ELP3: variants seen among roughly 807,000 people sequenced by gnomAD.
The protein encoded by ELP3 is elongator complex protein 3.
In ELP3, 56 loss-of-function variants were observed where a neutral mutation model predicts 74.9. That is an observed-to-expected ratio of 0.75 (90% CI 0.60 to 0.93). The LOEUF (loss-of-function observed/expected upper bound fraction) is 0.93. Among genes scored for constraint, ELP3 ranks in the 40% least tolerant of loss-of-function variants. The pLI, the probability that ELP3 is intolerant of heterozygous loss-of-function variation, is 0.00. For missense variants in ELP3, 573 were observed against 686.5 expected (o/e 0.83, Z 1.85); for synonymous variants, 222 against 239.8 (o/e 0.93, Z 0.68).
At chr8:28,093,322 G>C in intron 1 of ELP3, 89 bp downstream of exon 1, 2 of 1,554,380 alleles carry the variant, frequency 1.3e-6, no homozygotes, top group Non-Finnish European at 1.7e-6. Context: ...CTTTTACCGC[G>C]AGAATCCGCT....
chr8:28,090,245 A>G, upstream of ELP3: 1 of 305,432 alleles, frequency 3.3e-6, no homozygotes, highest in Non-Finnish European at 6.3e-6. Context: ...GCTTCAGGAG[A>G]CCTATCCTCA....
chr8:28,160,256 G>A lies in ELP3; in HGVS notation c.1285G>A (p.Ala429Thr), dbSNP rs1349892590. The change falls in exon 13 of 15, where the codon GCA becomes ACA. Residue 429 changes from alanine to threonine, a missense_variant. Ala to Thr is a moderately conservative substitution (Grantham distance 58). Coordinates refer to ENST00000256398, the MANE Select transcript of ELP3 (RefSeq NM_018091.6). ...TGAATTGGTAAGGAGAGATTATGTT[G>A]CAAATGGTGGCTGGGAAACATTCTT... is the stretch of plus-strand genomic sequence containing the variant. ...QVELVRRDYV[A>T]NGGWETFLSY... The A allele has an allele frequency of 6.2e-7, 1 of 1,613,954 alleles. No individual in the cohort carries two copies. Among genetic ancestry groups the A allele is most frequent in the African/African-American group, 1.3e-5 (1 of 74,906 alleles).
intron 3 of ELP3, 73 bp downstream of exon 3, chr8:28,100,039 G>A (rs2290369): frequency 0.45 from 712,597 of 1,591,616 alleles, 163,296 homozygotes; most frequent in African/African-American, 0.67. Context: ...TCCATGTGAC[G>A]CCCGTGTAGT....
rs1813937514 is a variant in ELP3, at chr8:28,158,568, T to G, written c.1192T>G (p.Cys398Gly). 2 of 1,599,994 alleles carry G rather than the reference T, an allele frequency of 1.3e-6. No homozygotes were observed. Among genetic ancestry groups the G allele is most frequent in the East Asian group, 4.6e-5 (2 of 43,778 alleles). ...LARMKDLGIQ[C>G]RDVRTREVGI... ...CGCTCACGCCATTTTTTTTTGACAG[T>G]GTCGAGATGTGAGAACCAGAGAAGT... The change falls in exon 12 of 15, where the codon TGT (cysteine) becomes GGT (glycine). Residue 398 changes from cysteine (C) to glycine (G), a missense_variant and splice_region_variant. Cys to Gly is a radical substitution (Grantham distance 159). Transcript: ENST00000256398.
Position 28,097,317 on chromosome 8 carries a change from A to G in ELP3, c.118A>G (p.Lys40Glu). Residue 40 changes from lysine (K) to glutamate (E), a missense_variant and splice_region_variant, in exon 2 of 15, where the codon AAG becomes GAG. Coordinates refer to ENST00000256398, the MANE Select transcript of ELP3 (RefSeq NM_018091.6). Reference protein sequence around the residue: ...HEQGKDIDLNKVKTKTAAKYG... With the variant: ...HEQGKDIDLNEVKTKTAAKYG... ...GCAGGGGAAAGACATCGATCTAAAT[A>G]AGTAAGTGGATATAAAGAGAGAGCA... 1 of 1,606,186 alleles carries G rather than the reference A, an allele frequency of 6.2e-7. No individual in the cohort carries two copies.
intron 13 of ELP3, among the ~76,000 whole-genome samples, chr8:28,161,610 G>GAA (rs1163846087): frequency 8.3e-5 from 5 of 60,598 alleles, no homozygotes; most frequent in Non-Finnish European, 1.1e-4. Flanking sequence ...CGTCTCAAGA[G>GAA]AAAAAAAAAA....
chr8:28,153,654 C>G (rs1227126621), intron 10 of ELP3, among the ~76,000 whole-genome samples: 3 of 152,108 alleles, frequency 2.0e-5, no homozygotes, highest in African/African-American at 7.2e-5. Context: ...TCTGCAGCCC[C>G]TTCTGTGGGC....
intron 1 of ELP3, 118 bp downstream of exon 1, chr8:28,093,351 G>C: frequency 7.2e-7 from 1 of 1,395,494 alleles, no homozygotes; most frequent in Non-Finnish European, 9.8e-7. Flanking sequence ...CAGTCGCCCC[G>C]CCACCTAGGG....
chr8:28,143,769 G>A (rs1019152289), intron 10 of ELP3, among the ~76,000 whole-genome samples: 4 of 152,188 alleles, frequency 2.6e-5, no homozygotes, highest in African/African-American at 9.7e-5. Context: ...ATCTCTTAGA[G>A]TAGTATAATC....
chr8:28,154,453 AAATTTT>A (rs1430602446), intron 10 of ELP3, among the ~76,000 whole-genome samples: 3 of 152,188 alleles, frequency 2.0e-5, no homozygotes, highest in Non-Finnish European at 2.9e-5. Context: ...ATGATGTTTT[AAATTTT>A]AAGTTTTATA....
intron 7 of ELP3, among the ~76,000 whole-genome samples, chr8:28,124,457 G>C (rs1460618408): frequency 6.6e-6 from 1 of 152,086 alleles, no homozygotes; most frequent in Non-Finnish European, 1.5e-5. Context: ...ATGATTTGAA[G>C]CTTTCTAATG....
intron 14 of ELP3, among the ~76,000 whole-genome samples, chr8:28,170,549 G>A (rs1025181782): frequency 1.4e-4 from 22 of 152,172 alleles, no homozygotes; most frequent in East Asian, 7.7e-4. Flanking sequence ...CTTTAGGTGC[G>A]CGTGCTGGCC....
chr8:28,139,097 G>A (rs373800484), intron 10 of ELP3, among the ~76,000 whole-genome samples: 5 of 152,146 alleles, frequency 3.3e-5, no homozygotes, highest in Non-Finnish European at 4.4e-5. Flanking sequence ...AGGCAGAGGC[G>A]TGGTGCAGGC....
intron 3 of ELP3, among the ~76,000 whole-genome samples, chr8:28,104,269 T>C (rs1206241390): frequency 6.6e-6 from 1 of 152,234 alleles, no homozygotes; most frequent in Non-Finnish European, 1.5e-5. Flanking sequence ...GTACCAATTA[T>C]GCAGATATTT....
At chr8:28,130,860 T>C (rs927468279) in intron 8 of ELP3, among the ~76,000 whole-genome samples, 1 of 151,952 alleles carries the variant, frequency 6.6e-6, no homozygotes, top group Non-Finnish European at 1.5e-5. Context: ...GAATGTGAAA[T>C]AGGAGAGTGA....
At chr8:28,156,496 ATC>A (rs2130538140) in intron 11 of ELP3, among the ~76,000 whole-genome samples, 1 of 152,200 alleles carries the variant, frequency 6.6e-6, no homozygotes, top group South Asian at 2.1e-4. Context: ...TTTACTAAAC[ATC>A]TCCTCTGTGC....
intron 14 of ELP3, among the ~76,000 whole-genome samples, chr8:28,183,829 G>A (rs943798260): frequency 9.2e-5 from 14 of 152,202 alleles, no homozygotes; most frequent in Admixed American, 5.2e-4. Context: ...AGAACCCCAC[G>A]CAGGCCATCG....
At chr8:28,153,310 CT>C (rs954527132) in intron 10 of ELP3, among the ~76,000 whole-genome samples, 1 of 152,182 alleles carries the variant, frequency 6.6e-6, no homozygotes, top group African/African-American at 2.4e-5. Flanking sequence ...AATTATCAGT[CT>C]GTCTAGATGA....
chr8:28,184,739 A>G (rs1219081517), intron 14 of ELP3, among the ~76,000 whole-genome samples: 1 of 152,230 alleles, frequency 6.6e-6, no homozygotes, highest in Non-Finnish European at 1.5e-5. Flanking sequence ...CCATCTTAAA[A>G]TTAGGCCATC....
Sources: allele counts gnomAD v4.1 joint callset (sites outside exome capture counted in the v4.1 genomes callset), GRCh38; gene constraint gnomAD v4.1.1; transcripts MANE v1.5; gene names NCBI Gene and HGNC (gene_info 2026-07-23, HGNC 2026-07-21).